SLC2A9: variants seen among roughly 807,000 people sequenced by gnomAD.
SLC2A9 encodes solute carrier family 2, facilitated glucose transporter member 9.
A neutral mutation model predicts 50.6 loss-of-function variants in SLC2A9; 39 were observed. That is an observed-to-expected ratio of 0.77 (90% CI 0.60 to 1.01). SLC2A9 has a LOEUF of 1.01. Among genes scored for constraint, SLC2A9 ranks in the 50% least tolerant of loss-of-function variants. The pLI is 0.00. For synonymous variants in SLC2A9, 324 were observed against 276.9 expected (o/e 1.17, Z -1.69); for missense variants, 686 against 677.6 (o/e 1.01, Z -0.14).
At chr4:9,936,831 T>C (rs578090359) in intron 6 of SLC2A9, among the ~76,000 whole-genome samples, 84 of 152,292 alleles carry the variant, frequency 5.5e-4, no homozygotes, top group African/African-American at 1.7e-3. Flanking sequence ...CTAAACTCTC[T>C]GGTGATTTGT....
intron 1 of SLC2A9, chr4:10,036,047 G>A: frequency 4.9e-6 from 1 of 203,378 alleles, no homozygotes; most frequent in South Asian, 9.9e-5. Context: ...GCCTGTCAAG[G>A]GACTTCTCAG....
At chr4:10,026,117 C>T, upstream of SLC2A9, 2 of 730,060 alleles carry the variant, frequency 2.7e-6, no homozygotes, top group Non-Finnish European at 4.8e-6. Context: ...GGAGCTCTGG[C>T]TGGGATGCCA....
In SLC2A9 at chr4:9,782,168, C is replaced by T. The variant is rs144460797; in HGVS notation, n.386-2103G>A. The stretch of plus-strand genomic sequence containing the variant: ...CTCACAGGTGGTCACCGCCTGCCTG[C>T]TGACCCTACTCATCATCTGGACCCT... On this transcript the variant is annotated intron_variant and non_coding_transcript_variant, in intron 3 of 3. Transcript: ENST00000503803. 23 of 1,594,934 alleles carry T rather than the reference C, an allele frequency of 1.4e-5. No individual in the cohort carries two copies. The Admixed American group carries it at 2.4e-4, about 16-fold the overall frequency.
chr4:9,809,453 G>T (rs1276248350), intron 3 of SLC2A9, among the ~76,000 whole-genome samples: 1 of 152,164 alleles, frequency 6.6e-6, no homozygotes, highest in Non-Finnish European at 1.5e-5. Flanking sequence ...ACCACAGGGC[G>T]CCTGACTCTA....
chr4:9,851,432 C>T (rs1026174603), intron 10 of SLC2A9, among the ~76,000 whole-genome samples: 1 of 152,172 alleles, frequency 6.6e-6, no homozygotes, highest in African/African-American at 2.4e-5. Context: ...ATCTAAAGGT[C>T]AGTAGCCTCA....
chr4:9,820,454 T>A (rs549749138), intron 3 of SLC2A9, among the ~76,000 whole-genome samples: 66 of 152,362 alleles, frequency 4.3e-4, no homozygotes, highest in East Asian at 5.8e-4. Flanking sequence ...CATTTTAGAA[T>A]AAGCTTGTTA....
chr4:10,003,666 T>A (rs1760263661), intron 2 of SLC2A9, among the ~76,000 whole-genome samples: 2 of 152,214 alleles, frequency 1.3e-5, no homozygotes, highest in African/African-American at 2.4e-5. Flanking sequence ...AAGCCAGTGA[T>A]GAAGTTTGCT....
At chr4:9,841,665 A>T (rs1383224348) in intron 10 of SLC2A9, among the ~76,000 whole-genome samples, 1 of 152,160 alleles carries the variant, frequency 6.6e-6, no homozygotes, top group Non-Finnish European at 1.5e-5. Context: ...TAGGGGTGTC[A>T]GCAGCCCTTT....
At chr4:9,872,613 G>GAT (rs746347499) in intron 10 of SLC2A9, among the ~76,000 whole-genome samples, 6 of 152,176 alleles carry the variant, frequency 3.9e-5, no homozygotes, top group East Asian at 1.9e-4. Flanking sequence ...GAAAGGGAAA[G>GAT]ATATATATAT....
intron 3 of SLC2A9, among the ~76,000 whole-genome samples, chr4:9,803,489 C>T (rs1191235243): frequency 6.6e-6 from 1 of 152,186 alleles, no homozygotes; most frequent in African/African-American, 2.4e-5. Flanking sequence ...ACTTATGTCA[C>T]TTTCTTAAGG....
intron 2 of SLC2A9, among the ~76,000 whole-genome samples, chr4:10,004,966 T>C (rs921208458): frequency 1.3e-5 from 2 of 152,250 alleles, no homozygotes; most frequent in African/African-American, 4.8e-5. Context: ...TTGGGATTCC[T>C]TGTTTTACTT....
At position 9,834,881 on chromosome 4, in the gene SLC2A9, C is replaced by A; in HGVS notation, c.1419G>T (p.Gln473His). The change falls in exon 11 of 12, where the codon CAG (glutamine) becomes CAT (histidine). Residue 473 changes from glutamine (Q) to histidine (H), a missense_variant and splice_region_variant. Gln to His is a conservative substitution (Grantham distance 24). Transcript: ENST00000264784. ...GCAAAAGACTCCTTGTCAGTCATAC[C>A]TGAATGAATGGGAAGAGGAGCCCAA... The part of the protein sequence containing the change: ...FAVGLLFPFI[Q>H]KSLDTYCFLV... 6.2e-7 allele frequency: 1 copy of A among 1,614,130 alleles called. No homozygotes were observed. Among genetic ancestry groups the A allele is most frequent in the Non-Finnish European group, 8.5e-7 (1 of 1,180,040 alleles).
chr4:9,799,445 C>T (rs1450461299), intron 3 of SLC2A9, among the ~76,000 whole-genome samples: 2 of 152,060 alleles, frequency 1.3e-5, no homozygotes, highest in Non-Finnish European at 2.9e-5. Flanking sequence ...GTCAAAAGTT[C>T]ATCTTCATCT....
rs546075675 is a variant in SLC2A9, at chr4:9,887,614, C to T, written c.1244G>A (p.Ser415Asn). The T allele has an allele frequency of 1.9e-6, 3 of 1,565,246 alleles. No individual in the cohort carries two copies. The highest frequency in any genetic ancestry group is 3.7e-5 in the Admixed American group (2 of 54,652). Residue 415 changes from serine to asparagine, a missense_variant, in exon 10 of 12, where the codon AGT becomes AAT. Physicochemically the swap from Ser to Asn is conservative, Grantham distance 46. Coordinates refer to ENST00000264784, the MANE Select transcript of SLC2A9 (RefSeq NM_020041.3). ...QDHAPWVPYL[S>N]IVGILAIIAS... Reference sequence around the variant, plus strand: ...GATGATGGCCAGAATGCCCACGATACTCAGGTAGGGGACCCAGGGGGCGTG... The same window carrying T: ...GATGATGGCCAGAATGCCCACGATATTCAGGTAGGGGACCCAGGGGGCGTG...
intron 10 of SLC2A9, among the ~76,000 whole-genome samples, chr4:9,845,452 C>T (rs539463645): frequency 1.2e-5 from 1 of 84,032 alleles, no homozygotes; most frequent in Admixed American, 1.3e-4. Flanking sequence ...TTTTTTGAGA[C>T]GGAGTCTCGC....
rs548499580 is a variant in SLC2A9 at position 9,970,397 on chromosome 4, C to T, written c.681+10195G>A. 1.1e-3 allele frequency among the ~76,000 whole-genome samples: 169 copies of T among 152,226 alleles called. 1 individual carries two copies. Among genetic ancestry groups the T allele is most frequent in the African/African-American group, 3.8e-3 (157 of 41,546 alleles). Reference sequence around the variant, plus strand: ...CATAATCTTGAGTGGGGATGAGCTCCCTTGGCCAGAACTAAGGGGCAAGTG... The same window carrying T: ...CATAATCTTGAGTGGGGATGAGCTCTCTTGGCCAGAACTAAGGGGCAAGTG... On this transcript the variant is annotated intron_variant, in intron 5 of 11. Transcript: ENST00000264784.
At chr4:9,903,073 G>A (rs574616641) in intron 8 of SLC2A9, among the ~76,000 whole-genome samples, 92 of 152,308 alleles carry the variant, frequency 6.0e-4, no homozygotes, top group African/African-American at 2.1e-3. Context: ...GCTAGCAGCT[G>A]CGGGGCCAGT....
At chr4:9,897,034 G>T (rs181456146) in intron 8 of SLC2A9, among the ~76,000 whole-genome samples, 116 of 152,222 alleles carry the variant, frequency 7.6e-4, no homozygotes, top group African/African-American at 2.6e-3. Context: ...TTTTCTTGGG[G>T]TAGGTGCTGT....
At chr4:9,795,309 T>A (rs1237940234), downstream of SLC2A9, among the ~76,000 whole-genome samples, 1 of 152,142 alleles carries the variant, frequency 6.6e-6, no homozygotes, top group African/African-American at 2.4e-5. Flanking sequence ...TGTGCCCGGC[T>A]GCATTAACCC....
Sources: allele counts gnomAD v4.1 joint callset (sites outside exome capture counted in the v4.1 genomes callset), GRCh38; gene constraint gnomAD v4.1.1; transcripts MANE v1.5; gene names NCBI Gene and HGNC (gene_info 2026-07-23, HGNC 2026-07-21).